The following MROH1 variants were observed in gnomAD, a reference collection of about 807,000 sequenced individuals.
MROH1 encodes the protein maestro heat like repeat family member 1.
Under a neutral mutation model 116.5 loss-of-function variants are expected in MROH1, and 117 were observed. The observed-to-expected ratio is 1.00, with a 90% CI of 0.86 to 1.17. The LOEUF is 1.17. Among genes scored for constraint, MROH1 ranks in the 50% most tolerant of loss-of-function variants. The pLI is 0.00. For missense variants in MROH1, 1,873 were observed against 1,338.5 expected, an observed-to-expected ratio of 1.40 and a Z score of -6.23; for synonymous variants, 921 against 583.9, an observed-to-expected ratio of 1.58 and a Z score of -8.32.
At chr8:144,188,907 ACTG>A (rs1827882565) in intron 7 of MROH1, among the ~76,000 whole-genome samples, 1 of 152,152 alleles carries the variant, frequency 6.6e-6, no homozygotes, top group South Asian at 2.1e-4. Context: ...TGTGGGAAGA[ACTG>A]CTAGGAAATC....
At chr8:144,211,381 G>C (rs1394900509) in intron 12 of MROH1, among the ~76,000 whole-genome samples, 1 of 152,176 alleles carries the variant, frequency 6.6e-6, no homozygotes, top group Non-Finnish European at 1.5e-5. Context: ...TTGACAAAGA[G>C]ATACTTGCCC....
intron 14 of MROH1, among the ~76,000 whole-genome samples, chr8:144,226,461 C>CA (rs1837841151): frequency 6.6e-6 from 1 of 150,954 alleles, no homozygotes. Context: ...TTACGTTGTT[C>CA]TTTTTTTTTG....
At chr8:144,156,857 A>T (rs1273443659) in intron 1 of MROH1, among the ~76,000 whole-genome samples, 2 of 133,336 alleles carry the variant, frequency 1.5e-5, no homozygotes, top group South Asian at 2.6e-4. Flanking sequence ...ATCTCGGCTC[A>T]TTGCAAACTC....
At chr8:144,168,254 C>A in intron 3 of MROH1, 41 bp from the exon 4 acceptor site, 1 of 1,526,406 alleles carries the variant, frequency 6.6e-7, no homozygotes, top group Non-Finnish European at 8.8e-7. Context: ...TAGGAGAGGG[C>A]GCTTGGGCCT....
Position 144,261,863 on chromosome 8 carries a change from A to G in MROH1, c.*123A>G. 2.9e-6 allele frequency: 2 copies of G among 686,582 alleles called. No individual in the cohort carries two copies. The highest frequency in any genetic ancestry group is 5.3e-6 in the Non-Finnish European group (2 of 378,144). The allele number at this position is 686,582 out of a possible 1,614,324, so 42.5% of individuals were successfully genotyped here. ...GGAGGGGCCTGGCCCCAGAACAGGC[A>G]CTGCTGGGGACCAAACCCAAGCCCT... On this transcript the variant is annotated 3_prime_UTR_variant, in exon 44 of 44. Coordinates refer to ENST00000326134, the MANE Select transcript of MROH1 (RefSeq NM_032450.3).
chr8:144,244,488 G>C lies in MROH1; in HGVS notation c.2715G>C (p.Thr905=). The change falls in exon 28 of 44, where the codon ACG becomes ACC. Residue 905 remains threonine (T), a synonymous_variant. Coordinates refer to ENST00000326134, the MANE Select transcript of MROH1 (RefSeq NM_032450.3). ...TGCACGCCCTTGAGGATCTGCTGACGAGCCTCCTGCAGCGGAACATGACCC... is the reference window on the plus strand; with the variant it reads ...TGCACGCCCTTGAGGATCTGCTGACCAGCCTCCTGCAGCGGAACATGACCC... ...ETLHALEDLL[T]SLLQRNMTPQ... is the part of the protein sequence containing the mutation. 3 of 774,360 alleles carry C rather than the reference G, an allele frequency of 3.9e-6. No individual in the cohort carries two copies. Among genetic ancestry groups the C allele is most frequent in the Non-Finnish European group, 7.2e-6 (3 of 415,100 alleles). The allele number at this position is 774,360 out of a possible 1,614,324, so 48.0% of individuals were successfully genotyped here.
At chr8:144,188,044 C>T (rs1469041350) in intron 7 of MROH1, among the ~76,000 whole-genome samples, 3 of 152,052 alleles carry the variant, frequency 2.0e-5, no homozygotes, top group Non-Finnish European at 2.9e-5. Context: ...AGCCAGGGAC[C>T]GGCGAGCCTC....
chr8:144,179,236 TG>T (rs1824901516), intron 4 of MROH1, among the ~76,000 whole-genome samples: 1 of 152,064 alleles, frequency 6.6e-6, no homozygotes, highest in Non-Finnish European at 1.5e-5. Context: ...GTTGGTTGTC[TG>T]GCGCAGGATA....
At chr8:144,158,388 G>A (rs1393291691) in intron 1 of MROH1, among the ~76,000 whole-genome samples, 2 of 152,192 alleles carry the variant, frequency 1.3e-5, no homozygotes, top group Non-Finnish European at 2.9e-5. Flanking sequence ...GCCTCCCAAA[G>A]TGCTAGGATT....
intron 7 of MROH1, among the ~76,000 whole-genome samples, chr8:144,181,844 C>T (rs1355521790): frequency 1.3e-5 from 2 of 152,196 alleles, no homozygotes; most frequent in African/African-American, 2.4e-5. Context: ...CCCTTCCCGC[C>T]ACTCCTCTGG....
chr8:144,192,443 C>A (rs1828869665), intron 10 of MROH1, 42 bp downstream of exon 10: 1 of 1,509,262 alleles, frequency 6.6e-7, no homozygotes, highest in Non-Finnish European at 8.9e-7. Context: ...GTTCTGCACA[C>A]CCTTCCGTGG....
intron 14 of MROH1, among the ~76,000 whole-genome samples, chr8:144,230,550 C>G (rs1838660301): frequency 6.7e-6 from 1 of 149,106 alleles, no homozygotes. Flanking sequence ...ATATGGCTTG[C>G]TAGTATTTTA....
chr8:144,250,176 C>T (rs1008438090), intron 32 of MROH1, 36 bp from the exon 33 acceptor site: 36 of 756,288 alleles, frequency 4.8e-5, no homozygotes, highest in Non-Finnish European at 7.5e-5. Context: ...CTGTCCCCCA[C>T]GCGTGGCCTG....
intron 20 of MROH1, 127 bp from the exon 21 acceptor site, chr8:144,240,865 C>G: frequency 1.4e-6 from 1 of 694,540 alleles, no homozygotes; most frequent in Non-Finnish European, 2.7e-6. Context: ...GATGTTGCCC[C>G]AGACTCACCC....
At chr8:144,249,336 G>A (rs1437956246) in intron 32 of MROH1, among the ~76,000 whole-genome samples, 2 of 152,160 alleles carry the variant, frequency 1.3e-5, no homozygotes, top group South Asian at 4.1e-4. Context: ...GTGAAAAGGC[G>A]GGTGAAAGCG....
intron 12 of MROH1, among the ~76,000 whole-genome samples, chr8:144,216,975 A>G (rs533379481): frequency 1.5e-4 from 23 of 152,178 alleles, no homozygotes; most frequent in Non-Finnish European, 2.9e-4. Context: ...GATGTGAGCC[A>G]TCGCGCCTGG....
Position 144,239,358 on chromosome 8 carries a change from C to G in MROH1, c.1627C>G (p.Leu543Val). The G allele has an allele frequency of 1.3e-6, 1 of 780,586 alleles. No homozygotes were observed. The allele number at this position is 780,586 out of a possible 1,614,324, so 48.4% of individuals were successfully genotyped here. ...LPSPYAVTGR[L>V]LVVSSSPYLG... ...GTCTCCCTATGCTGTAACCGGAAGA[C>G]TGTTGGTGAGCCTCGCCCTTTCACA... Residue 543 changes from leucine (L) to valine (V), a missense_variant, in exon 17 of 44, where the codon CTG becomes GTG. By Grantham distance (32) the Leu-to-Val change is conservative. Coordinates refer to ENST00000326134, the MANE Select transcript of MROH1 (RefSeq NM_032450.3).
Position 144,180,589 on chromosome 8 carries a change from C to T in MROH1, c.562+66C>T. 1 of 1,502,334 alleles carries T rather than the reference C, an allele frequency of 6.7e-7. No individual in the cohort carries two copies. The highest frequency in any genetic ancestry group is 9.1e-7 in the Non-Finnish European group (1 of 1,100,470). 93.1% of individuals were successfully genotyped at this position (1,502,334 alleles called of 1,614,324 possible). A position where few individuals can be genotyped will look rare whatever the true frequency, so the allele number is the denominator to read the frequency against. ...TTGTGGGGGGCTGTTCCCGGGCATG[C>T]CTGTTTTAGGGGGGACAGGTGGGCA... On this transcript the variant is annotated intron_variant, in intron 7 of 43. Coordinates refer to ENST00000326134, the MANE Select transcript of MROH1 (RefSeq NM_032450.3). This position sits in a 1 kb window ranked among gnomAD's most constrained non-coding sequence, Gnocchi z 7.4.
intron 14 of MROH1, among the ~76,000 whole-genome samples, chr8:144,230,656 AAGTT>A (rs1838683258): frequency 6.6e-6 from 1 of 151,814 alleles, no homozygotes; most frequent in Non-Finnish European, 1.5e-5. Context: ...TGACTTGGTA[AAGTT>A]AGTTAGAAGG....
Sources: gnomAD v4.1 joint callset for allele counts (sites outside exome capture counted in the v4.1 genomes callset) on GRCh38, gnomAD v4.1.1 for gene constraint, Gnocchi (gnomAD v3.1) non-coding constraint, MANE v1.5 for transcripts, NCBI Gene and HGNC (gene_info 2026-07-23, HGNC 2026-07-21) for gene names.